ADAM8: variants seen among roughly 807,000 people sequenced by gnomAD.
The protein encoded by ADAM8 is ADAM metallopeptidase domain 8.
Under a neutral mutation model 102.4 loss-of-function variants are expected in ADAM8, and 104 were observed. The ratio of observed to expected loss-of-function variants is 1.02; its 90% CI spans 0.87 to 1.20. The LOEUF (loss-of-function observed/expected upper bound fraction) is 1.20. Ranked by LOEUF, ADAM8 falls within the 50% of genes most tolerant of loss-of-function variation. The probability of loss-of-function intolerance (pLI) is 0.00; values close to 1 mark genes in which losing one functional copy is unlikely to be tolerated. For synonymous variants in ADAM8, 517 were observed against 485.2 expected (o/e 1.07, Z -0.86); for missense variants, 1,132 against 1,159.0 (o/e 0.98, Z 0.34).
Position 133,276,828 on chromosome 10 carries a change from G to C in ADAM8, c.-11C>G, listed in dbSNP as rs374765469. On this transcript the variant is annotated 5_prime_UTR_variant, in exon 1 of 23. Coordinates refer to ENST00000445355, the MANE Select transcript of ADAM8 (RefSeq NM_001109.5). ...CCCGAGGCCGCGCATGGCCGGGTCG[G>C]GGAGCAGAGGCGGAGGTGACAGCCC... 1.0e-3 allele frequency: 1,565 copies of C among 1,523,138 alleles called. 13 individuals are homozygous for C. In the African/African-American group the frequency reaches 0.019, roughly 18 times the overall value. The allele number at this position is 1,523,138 out of a possible 1,614,324, so 94.4% of individuals were successfully genotyped here. A position where few individuals can be genotyped will look rare whatever the true frequency, so the allele number is the denominator to read the frequency against.
intron 5 of ADAM8, 67 bp downstream of exon 5, chr10:133,273,695 C>A: frequency 6.7e-7 from 1 of 1,490,980 alleles, no homozygotes; most frequent in Non-Finnish European, 9.1e-7. Flanking sequence ...CCCTTCCCCA[C>A]CCCCACCACA....
chr10:133,268,778 T>C lies in ADAM8; in HGVS notation c.2033A>G (p.Tyr678Cys), dbSNP rs746544154. The C allele has an allele frequency of 6.2e-7, 1 of 1,610,786 alleles. No homozygotes were observed. ...VLVTLAGIIV[Y>C]RKARSRILSR... is the part of the protein sequence containing the mutation. The stretch of plus-strand genomic sequence containing the variant: ...CAGGATGCGGCTCCGGGCTTTGCGG[T>C]AGACGATGATGCCTGCCAGGGTGAC... Residue 678 changes from tyrosine to cysteine, a missense_variant, in exon 19 of 23, where the codon TAC (tyrosine) becomes TGC (cysteine). Transcript: ENST00000445355.
intron 21 of ADAM8, among the ~76,000 whole-genome samples, chr10:133,266,931 G>C (rs1220802960): frequency 6.6e-6 from 1 of 152,072 alleles, no homozygotes; most frequent in African/African-American, 2.4e-5. Flanking sequence ...CCAGTGATTC[G>C]GGTTTTGAGA....
Position 133,274,156 on chromosome 10 carries a change from C to T in ADAM8, c.227+3G>A. ...CAGGGGGGCCGACCCGAGACCCACT[C>T]ACCTGTTCTTCCGCAGGTGGAGGGT... On this transcript the variant is annotated splice_donor_region_variant and intron_variant, in intron 3 of 22. Transcript: ENST00000445355. 3.2e-6 allele frequency: 5 copies of T among 1,586,020 alleles called. No individual in the cohort carries two copies. Among genetic ancestry groups the T allele is most frequent in the Non-Finnish European group, 3.4e-6 (4 of 1,165,782 alleles).
At chr10:133,268,421 A>G (rs575933394) in intron 19 of ADAM8, among the ~76,000 whole-genome samples, 31 of 152,284 alleles carry the variant, frequency 2.0e-4, no homozygotes, top group Admixed American at 1.8e-3. Flanking sequence ...AGGGCTCAGC[A>G]GGAAACTGGC....
intron 5 of ADAM8, 142 bp from the exon 6 acceptor site, chr10:133,273,585 G>A (rs944448106): frequency 3.2e-6 from 4 of 1,258,020 alleles, no homozygotes; most frequent in African/African-American, 3.0e-5. Context: ...CAGGCCCCAG[G>A]GTACAGGAGG....
chr10:133,267,786 G>T, intron 20 of ADAM8, 143 bp downstream of exon 20: 1 of 872,686 alleles, frequency 1.1e-6, no homozygotes. Context: ...GACCACAGCA[G>T]CTGCTCTGGG....
At position 133,263,051 on chromosome 10, in the gene ADAM8, G is replaced by A; in HGVS notation, c.*105C>T. Reference sequence around the variant, plus strand: ...TTAGAACAGCAGCTGAGCCTGCAAAGTCAGGGTCTAGGGCTGAGCGGCACT... The same window carrying A: ...TTAGAACAGCAGCTGAGCCTGCAAAATCAGGGTCTAGGGCTGAGCGGCACT... On this transcript the variant is annotated 3_prime_UTR_variant, in exon 23 of 23. Transcript: ENST00000445355. 1 of 1,369,910 alleles carries A rather than the reference G, an allele frequency of 7.3e-7. No individual in the cohort carries two copies. The highest frequency in any genetic ancestry group is 1.0e-6 in the Non-Finnish European group (1 of 958,652). 84.9% of individuals were successfully genotyped at this position (1,369,910 alleles called of 1,614,324 possible).
At chr10:133,271,456 T>C in intron 12 of ADAM8, 72 bp downstream of exon 12, 1 of 1,492,348 alleles carries the variant, frequency 6.7e-7, no homozygotes, top group Non-Finnish European at 9.0e-7. Flanking sequence ...TGTGCAGTGG[T>C]CACCCTGGCC....
chr10:133,270,689 G>T, intron 15 of ADAM8, 47 bp downstream of exon 15: 1 of 1,580,258 alleles, frequency 6.3e-7, no homozygotes, highest in Non-Finnish European at 8.6e-7. Context: ...GGCTGACCCC[G>T]CTGTGGGAAC....
rs866854575 is a variant in ADAM8, at chr10:133,267,406, A to G, written c.2265T>C (p.Thr755=). ...LKRPPPAPPV[T]VSSPPFPVPV... is the part of the protein sequence containing the mutation. Reference sequence around the variant, plus strand: ...GAACTGGGAAGGGTGGGCTGGACACAGTGACCGGAGGCTGGAGGAGACAGG... The same window carrying G: ...GAACTGGGAAGGGTGGGCTGGACACGGTGACCGGAGGCTGGAGGAGACAGG... The change falls in exon 21 of 23, where the codon ACT becomes ACC. Residue 755 remains threonine (T), a synonymous_variant. Coordinates refer to ENST00000445355, the MANE Select transcript of ADAM8 (RefSeq NM_001109.5). 1 of 1,609,592 alleles carries G rather than the reference A, an allele frequency of 6.2e-7. No homozygotes were observed. The highest frequency in any genetic ancestry group is 1.7e-4 in the Middle Eastern group (1 of 6,052).
At chr10:133,269,218 C>T in intron 18 of ADAM8, 1 of 980,050 alleles carries the variant, frequency 1.0e-6, no homozygotes, top group South Asian at 4.7e-5. Flanking sequence ...CAGCTCACGG[C>T]CGTGCCCTGC....
chr10:133,272,088 C>G, intron 10 of ADAM8, 105 bp downstream of exon 10: 1 of 1,505,676 alleles, frequency 6.6e-7, no homozygotes, highest in Non-Finnish European at 9.1e-7. Flanking sequence ...GGCATTAAAC[C>G]TGGCCTGAGG....
Position 133,272,530 on chromosome 10 carries a change from C to T in ADAM8, c.761G>A (p.Ser254Asn), listed in dbSNP as rs778582439. 1.9e-6 allele frequency: 3 copies of T among 1,612,280 alleles called. No homozygotes were observed. In the South Asian group the frequency reaches 3.3e-5, roughly 18 times the overall value. The change falls in exon 9 of 23, where the codon AGT becomes AAT. Residue 254 changes from serine (S) to asparagine (N), a missense_variant. Ser to Asn is a conservative substitution (Grantham distance 46). Transcript: ENST00000445355. Reference protein sequence around the residue: ...VVLVGLEIWNSQDRFHVSPDP... With the variant: ...VVLVGLEIWNNQDRFHVSPDP... ...GGGGCTGACGTGGAACCTGTCCTGA[C>T]TATTCCAAATCTCCAGGCCCACCAG...
chr10:133,276,788 G>T lies in ADAM8; in HGVS notation c.30C>A (p.Gly10=). 6.5e-7 allele frequency: 1 copy of T among 1,533,372 alleles called. No homozygotes were observed. Among genetic ancestry groups the T allele is most frequent in the Non-Finnish European group, 8.8e-7 (1 of 1,142,392 alleles). 95.0% of individuals were successfully genotyped at this position (1,533,372 alleles called of 1,614,324 possible). Reference sequence around the variant, plus strand: ...ACCACTCACCAGGCAGCATCATCGCGCCCAGCAGCCAGAGCCCGAGGCCGC... The same window carrying T: ...ACCACTCACCAGGCAGCATCATCGCTCCCAGCAGCCAGAGCCCGAGGCCGC... MRGLGLWLL[G]AMMLPAIAPS... Residue 10 remains glycine, a synonymous_variant, in exon 1 of 23, where the codon GGC becomes GGA. Transcript: ENST00000445355.
intron 19 of ADAM8, 88 bp downstream of exon 19, chr10:133,268,660 C>A: frequency 1.4e-6 from 2 of 1,420,074 alleles, no homozygotes; most frequent in South Asian, 1.2e-5. Flanking sequence ...GTGCCGTCCA[C>A]CATGGGCCCG....
rs1030177587 is a variant in ADAM8 at position 133,267,913 on chromosome 10, CA to C, written c.2253+15del. ...ACTGCTTTCGGCCTCATGAACCCGC[CA>C]GGGGTGGTGCTTACAGCAGGGGGCG... On this transcript the variant is annotated intron_variant, in intron 20 of 22. Transcript: ENST00000445355. 5 of 1,259,584 alleles carry C rather than the reference CA, an allele frequency of 4.0e-6. No homozygotes were observed. In the African/African-American group the frequency reaches 7.7e-5, roughly 19 times the overall value. 78.0% of individuals were successfully genotyped at this position (1,259,584 alleles called of 1,614,324 possible).
chr10:133,271,587 G>A lies in ADAM8; in HGVS notation c.1225C>T (p.Pro409Ser), dbSNP rs756630015. The A allele has an allele frequency of 6.4e-7, 1 of 1,558,380 alleles. No homozygotes were observed. Among genetic ancestry groups the A allele is most frequent in the Non-Finnish European group, 8.7e-7 (1 of 1,151,254 alleles). Residue 409 changes from proline (P) to serine (S), a missense_variant, in exon 12 of 23, where the codon CCC becomes TCC. Coordinates refer to ENST00000445355, the MANE Select transcript of ADAM8 (RefSeq NM_001109.5). The stretch of plus-strand genomic sequence containing the variant: ...TCCACAAACAGGTTCCCACACACGG[G>A]GCCGCCCACCAGGTGGCTGAGGTCA... Reference protein sequence around the residue: ...APDLSHLVGGPVCGNLFVERG... With the variant: ...APDLSHLVGGSVCGNLFVERG...
At position 133,270,503 on chromosome 10, in the gene ADAM8, T is replaced by C. The variant is rs745711681; in HGVS notation, c.1642A>G (p.Met548Val). The C allele has an allele frequency of 1.0e-5, 16 of 1,580,302 alleles. No homozygotes were observed. The highest frequency in any genetic ancestry group is 4.0e-5 in the African/African-American group (3 of 74,326). ...CCCTTGCACTGCAGAACGCCACACA[T>C]GTCAGCCCTGTGGATGGACGGCAGG... ...GCKASRYRAD[M>V]CGVLQCKGGQ... Residue 548 changes from methionine (M) to valine (V), a missense_variant, in exon 16 of 23, where the codon ATG becomes GTG. Physicochemically the swap from Met to Val is conservative, Grantham distance 21 (BLOSUM62 1). Transcript: ENST00000445355.
Sources: allele counts gnomAD v4.1 joint callset (sites outside exome capture counted in the v4.1 genomes callset), GRCh38; gene constraint gnomAD v4.1.1; transcripts MANE v1.5; gene names NCBI Gene and HGNC (gene_info 2026-07-23, HGNC 2026-07-21).